The following CAMK4 variants were observed in gnomAD, a reference collection of about 807,000 sequenced individuals.
CAMK4 encodes calcium/calmodulin dependent protein kinase IV.
CAMK4 carries 22 observed loss-of-function variants against 44.9 expected under a neutral mutation model. The observed-to-expected ratio is 0.49, with a 90% CI of 0.35 to 0.70. The LOEUF (loss-of-function observed/expected upper bound fraction) is 0.70. CAMK4 is among the 30% of genes least tolerant of loss of function. The probability of loss-of-function intolerance (pLI) is 0.01; values close to 1 mark genes in which losing one functional copy is unlikely to be tolerated. For missense variants in CAMK4, 498 were observed against 586.8 expected (o/e 0.85, Z 1.56); for synonymous variants, 218 against 215.4 (o/e 1.01, Z -0.11).
Position 111,376,848 on chromosome 5 carries a change from A to G in CAMK4, c.304-12A>G, listed in dbSNP as rs1199554620. On this transcript the variant is annotated splice_polypyrimidine_tract_variant and intron_variant, in intron 3 of 10. Transcript: ENST00000282356. Reference sequence around the variant, plus strand: ...AAATTTGTGATATTCTTTTTTTTATATCTTTCCCTAGATAAAACTTAAAGA... The same window carrying G: ...AAATTTGTGATATTCTTTTTTTTATGTCTTTCCCTAGATAAAACTTAAAGA... 8.8e-6 allele frequency: 13 copies of G among 1,480,624 alleles called. No homozygotes were observed. Among genetic ancestry groups the G allele is most frequent in the Admixed American group, 1.8e-5 (1 of 55,770 alleles). 91.7% of individuals were successfully genotyped at this position (1,480,624 alleles called of 1,614,324 possible).
chr5:111,228,139 T>C (rs1283288997), intron 1 of CAMK4, among the ~76,000 whole-genome samples: 1 of 152,262 alleles, frequency 6.6e-6, no homozygotes, highest in Non-Finnish European at 1.5e-5. Context: ...TGTTGTTCCA[T>C]GTTGAAAGAA....
At chr5:111,370,941 T>C (rs1750982058) in intron 2 of CAMK4, among the ~76,000 whole-genome samples, 1 of 124,974 alleles carries the variant, frequency 8.0e-6, no homozygotes. Context: ...ACAACGTGTA[T>C]CCTTATGTTT....
chr5:111,366,535 T>C (rs1750800031), intron 2 of CAMK4, among the ~76,000 whole-genome samples: 2 of 152,180 alleles, frequency 1.3e-5, no homozygotes, highest in African/African-American at 4.8e-5. Flanking sequence ...AAGCAGAAAC[T>C]GGTTTTCCTT....
At chr5:111,228,690 T>C (rs1461907944) in intron 1 of CAMK4, among the ~76,000 whole-genome samples, 1 of 152,226 alleles carries the variant, frequency 6.6e-6, no homozygotes, top group Non-Finnish European at 1.5e-5. Flanking sequence ...ATCCCACTAA[T>C]GTGTTGTGAT....
At chr5:111,302,727 C>G (rs1430154555) in intron 1 of CAMK4, among the ~76,000 whole-genome samples, 1 of 67,100 alleles carries the variant, frequency 1.5e-5, no homozygotes, top group Non-Finnish European at 2.7e-5. Flanking sequence ...GAAGCTCGAA[C>G]TGGGTGGAGC....
At chr5:111,460,414 A>G (rs1754604172) in intron 7 of CAMK4, among the ~76,000 whole-genome samples, 1 of 151,418 alleles carries the variant, frequency 6.6e-6, no homozygotes, top group East Asian at 1.9e-4. Flanking sequence ...TGGGACCACA[A>G]GCGCACACTG....
chr5:111,228,997 AG>A (rs1203270344), intron 1 of CAMK4, among the ~76,000 whole-genome samples: 1 of 152,186 alleles, frequency 6.6e-6, no homozygotes, highest in East Asian at 1.9e-4. Flanking sequence ...GAGACTGAGA[AG>A]TGGTATATTC....
At chr5:111,234,997 C>T (rs551612918) in intron 1 of CAMK4, among the ~76,000 whole-genome samples, 1 of 152,266 alleles carries the variant, frequency 6.6e-6, no homozygotes, top group South Asian at 2.1e-4. Context: ...GTCTTGTTAC[C>T]TACAATGAAG....
intron 2 of CAMK4, among the ~76,000 whole-genome samples, chr5:111,347,778 A>G (rs1344954787): frequency 6.6e-6 from 1 of 151,976 alleles, no homozygotes; most frequent in African/African-American, 2.4e-5. Flanking sequence ...CAACAACACA[A>G]TTTCCAAATA....
At chr5:111,335,672 A>ATTCAGG (rs1224649317) in intron 1 of CAMK4, among the ~76,000 whole-genome samples, 4 of 151,322 alleles carry the variant, frequency 2.6e-5, no homozygotes, top group Non-Finnish European at 5.9e-5. Flanking sequence ...CTTGAAACAT[A>ATTCAGG]TTCAGGAAAA....
At chr5:111,270,803 T>G (rs1750478412) in intron 1 of CAMK4, among the ~76,000 whole-genome samples, 1 of 152,240 alleles carries the variant, frequency 6.6e-6, no homozygotes, top group Non-Finnish European at 1.5e-5. Context: ...ATGTAGTAAT[T>G]ATCTAATATT....
intron 5 of CAMK4, among the ~76,000 whole-genome samples, chr5:111,411,251 T>C (rs548251920): frequency 6.6e-6 from 1 of 152,296 alleles, no homozygotes; most frequent in African/African-American, 2.4e-5. Context: ...TTATTTTATG[T>C]GAGTGGCTTT....
chr5:111,428,790 A>T (rs1156259176), intron 5 of CAMK4, among the ~76,000 whole-genome samples: 1 of 152,220 alleles, frequency 6.6e-6, no homozygotes, highest in Non-Finnish European at 1.5e-5. Flanking sequence ...ATGGGTAGAA[A>T]GTTTAATAAC....
At chr5:111,373,685 T>C (rs1202728339) in intron 2 of CAMK4, among the ~76,000 whole-genome samples, 1 of 152,144 alleles carries the variant, frequency 6.6e-6, no homozygotes, top group Non-Finnish European at 1.5e-5. Flanking sequence ...CCATTTCCCA[T>C]TTGAAGCAGT....
At chr5:111,407,287 G>C (rs1580711449) in intron 5 of CAMK4, among the ~76,000 whole-genome samples, 1 of 151,284 alleles carries the variant, frequency 6.6e-6, no homozygotes, top group Admixed American at 6.6e-5. Flanking sequence ...GGAGGCGGAG[G>C]TTGCAGTAAG....
intron 5 of CAMK4, among the ~76,000 whole-genome samples, chr5:111,429,320 C>T (rs540823463): frequency 6.6e-6 from 1 of 152,130 alleles, no homozygotes; most frequent in South Asian, 2.1e-4. Context: ...GCTAATACTA[C>T]AGAAATTCAA....
intron 4 of CAMK4, among the ~76,000 whole-genome samples, chr5:111,391,265 AT>A (rs574304226): frequency 6.6e-6 from 1 of 152,156 alleles, no homozygotes; most frequent in Admixed American, 6.6e-5. Context: ...ATGAGGGCAT[AT>A]TTTTGAACGC....
At chr5:111,403,800 G>C (rs903897751) in intron 5 of CAMK4, among the ~76,000 whole-genome samples, 2 of 152,082 alleles carry the variant, frequency 1.3e-5, no homozygotes, top group Non-Finnish European at 2.9e-5. Flanking sequence ...AAATGTTTCT[G>C]CACACCATTA....
At chr5:111,458,842 C>T (rs1322241245) in intron 7 of CAMK4, among the ~76,000 whole-genome samples, 1 of 152,036 alleles carries the variant, frequency 6.6e-6, no homozygotes, top group Non-Finnish European at 1.5e-5. Context: ...TCTTTAAAGT[C>T]CACCAAGAAG....
Sources: gnomAD v4.1 joint callset for allele counts (sites outside exome capture counted in the v4.1 genomes callset) on GRCh38, gnomAD v4.1.1 for gene constraint, MANE v1.5 for transcripts, NCBI Gene and HGNC (gene_info 2026-07-23, HGNC 2026-07-21) for gene names.